The following DNAAF4 variants were observed in gnomAD, a reference collection of about 807,000 sequenced individuals.
DNAAF4 encodes dynein axonemal assembly factor 4, also known as dynein assembly factor 4, axonemal.
DNAAF4 carries 43 observed loss-of-function variants against 51.8 expected under a neutral mutation model. The observed-to-expected ratio is 0.83, with a 90% CI of 0.65 to 1.07. DNAAF4 has a LOEUF of 1.07. Ranked by LOEUF, DNAAF4 falls within the 50% of genes least tolerant of loss-of-function variation. The probability of loss-of-function intolerance (pLI) is 0.00; values close to 1 mark genes in which losing one functional copy is unlikely to be tolerated. For synonymous variants in DNAAF4, 194 were observed against 165.6 expected, an observed-to-expected ratio of 1.17 and a Z score of -1.32; for missense variants, 581 against 493.0, an observed-to-expected ratio of 1.18 and a Z score of -1.69.
intron 3 of DNAAF4, among the ~76,000 whole-genome samples, chr15:55,494,060 G>C (rs1017940359): frequency 1.4e-5 from 2 of 146,058 alleles, no homozygotes; most frequent in African/African-American, 5.1e-5. Context: ...ACTGAGTTTC[G>C]CTCTTGTTGC....
chr15:55,501,667 G>A (rs913147754), intron 1 of DNAAF4, among the ~76,000 whole-genome samples: 7 of 150,684 alleles, frequency 4.6e-5, no homozygotes, highest in African/African-American at 1.2e-4. Context: ...AAGCCACCAC[G>A]CCGGGCCAGG....
chr15:55,467,578 C>T (rs1177108082), intron 4 of DNAAF4, among the ~76,000 whole-genome samples: 1 of 150,658 alleles, frequency 6.6e-6, no homozygotes, highest in African/African-American at 2.4e-5. Context: ...CATCCCAACA[C>T]ATATATTCAA....
rs1317437965 is a variant in DNAAF4 at position 55,444,051 on chromosome 15, G to T, written c.784-4470C>A. 3.9e-5 allele frequency among the ~76,000 whole-genome samples: 6 copies of T among 152,254 alleles called. No homozygotes were observed. In the South Asian group the frequency reaches 1.2e-3, roughly 32 times the overall value. On this transcript the variant is annotated intron_variant, in intron 6 of 9. Coordinates refer to ENST00000321149, the MANE Select transcript of DNAAF4 (RefSeq NM_130810.4). ...GTGCAGAGGCTCTTTAGTTTAATTA[G>T]ATCCCATTTGTCAATTTTGGCTTTT... is the stretch of plus-strand genomic sequence containing the variant.
intron 7 of DNAAF4, among the ~76,000 whole-genome samples, chr15:55,419,981 CA>C (rs895370114): frequency 1.1e-4 from 17 of 151,218 alleles, no homozygotes; most frequent in African/African-American, 3.4e-4. Context: ...CCAACCTGGG[CA>C]ACAAGAGCAA....
In DNAAF4 at chr15:55,470,350, C is replaced by A. The variant is rs113879230; in HGVS notation, c.406-3189G>T. On this transcript the variant is annotated intron_variant, in intron 4 of 9. Transcript: ENST00000321149. ...TACAGGCGTGAGCCACCGCGCCCAG[C>A]CATATTTACCCATTTTTAATAAAAA... Among the ~76,000 whole-genome samples the A allele has an allele frequency of 3.3e-5, 5 of 152,130 alleles. 1 individual carries two copies. The highest frequency in any genetic ancestry group is 1.2e-4 in the African/African-American group (5 of 41,522).
chr15:55,444,021 T>C (rs1472497079), intron 6 of DNAAF4, among the ~76,000 whole-genome samples: 1 of 152,204 alleles, frequency 6.6e-6, no homozygotes, highest in Non-Finnish European at 1.5e-5. Context: ...GTAGTTTCTT[T>C]TGCTGTGCAG....
intron 6 of DNAAF4, 103 bp from the exon 7 acceptor site, chr15:55,439,684 G>C: frequency 1.0e-6 from 1 of 960,102 alleles, no homozygotes; most frequent in Non-Finnish European, 1.5e-6. Context: ...AATATTATTT[G>C]CTATGCACTG....
intron 1 of DNAAF4, among the ~76,000 whole-genome samples, chr15:55,504,881 G>A (rs1245194491): frequency 6.6e-6 from 1 of 151,994 alleles, no homozygotes; most frequent in Non-Finnish European, 1.5e-5. Flanking sequence ...CATGACTAAA[G>A]CACCAAAAGC....
At chr15:55,482,605 G>A (rs2058427448) in intron 4 of DNAAF4, among the ~76,000 whole-genome samples, 1 of 152,128 alleles carries the variant, frequency 6.6e-6, no homozygotes. Context: ...CTTGAACCCA[G>A]GAAGGAGAGG....
chr15:55,423,585 T>A (rs1334174583), intron 7 of DNAAF4, among the ~76,000 whole-genome samples: 2 of 152,180 alleles, frequency 1.3e-5, no homozygotes, highest in Admixed American at 6.6e-5. Flanking sequence ...TGAGAACTGC[T>A]GACCTACAGC....
At position 55,491,137 on chromosome 15, in the gene DNAAF4, T is replaced by G. The variant is rs900207517; in HGVS notation, c.391A>C (p.Ser131Arg). ...AKREDQKYAL[S>R]VMMKIEEEER... The stretch of plus-strand genomic sequence containing the variant: ...CTGCAACTTACCTTCATCATGACAC[T>G]TAGTGCGTATTTTTGATCTTCCCGC... Residue 131 changes from serine to arginine, a missense_variant, in exon 4 of 10, where the codon AGT becomes CGT. Coordinates refer to ENST00000321149, the MANE Select transcript of DNAAF4 (RefSeq NM_130810.4). 1 of 1,614,076 alleles carries G rather than the reference T, an allele frequency of 6.2e-7. No individual in the cohort carries two copies. The highest frequency in any genetic ancestry group is 8.5e-7 in the Non-Finnish European group (1 of 1,180,010).
At chr15:55,467,644 C>A (rs944398231) in intron 4 of DNAAF4, among the ~76,000 whole-genome samples, 1 of 152,064 alleles carries the variant, frequency 6.6e-6, no homozygotes, top group Admixed American at 6.6e-5. Context: ...GTTGTGCCAA[C>A]CCTTCAGTCC....
intron 6 of DNAAF4, among the ~76,000 whole-genome samples, chr15:55,446,108 C>T (rs1236415267): frequency 3.1e-5 from 4 of 130,918 alleles, no homozygotes; most frequent in African/African-American, 1.2e-4. Context: ...ACATCCCAGA[C>T]AGGGCAGCCA....
intron 8 of DNAAF4, among the ~76,000 whole-genome samples, chr15:55,433,304 A>AAC (rs930752176): frequency 6.6e-5 from 10 of 151,828 alleles, no homozygotes; most frequent in East Asian, 1.9e-4. Flanking sequence ...GTCTCACACA[A>AAC]ACACACACAC....
At chr15:55,441,554 C>T (rs1722999335) in intron 6 of DNAAF4, among the ~76,000 whole-genome samples, 1 of 146,476 alleles carries the variant, frequency 6.8e-6, no homozygotes, top group South Asian at 2.3e-4. Flanking sequence ...CTAATGCTAT[C>T]CCTCCCCCCT....
At chr15:55,442,859 T>A in intron 6 of DNAAF4, 3 of 1,612,642 alleles carry the variant, frequency 1.9e-6, no homozygotes, top group Non-Finnish European at 2.5e-6. Context: ...ATTGCACACA[T>A]ACCAACAGTA....
At chr15:55,476,626 G>C (rs2058338507) in intron 4 of DNAAF4, among the ~76,000 whole-genome samples, 1 of 152,036 alleles carries the variant, frequency 6.6e-6, no homozygotes, top group Non-Finnish European at 1.5e-5. Flanking sequence ...GCCTTAAAAA[G>C]AAAGGAAATT....
intron 9 of DNAAF4, among the ~76,000 whole-genome samples, chr15:55,432,092 A>T (rs1267815037): frequency 6.6e-6 from 1 of 151,868 alleles, no homozygotes; most frequent in Non-Finnish European, 1.5e-5. Context: ...AGTAGCTGGG[A>T]TTACAGGCAT....
intron 5 of DNAAF4, among the ~76,000 whole-genome samples, chr15:55,465,564 C>CTTTT (rs76254398): frequency 0.014 from 1,907 of 131,544 alleles, 45 homozygotes; most frequent in African/African-American, 0.051. Flanking sequence ...TATGTTCTCA[C>CTTTT]TTTTTTTTTT....
Sources: gnomAD v4.1 joint callset for allele counts (sites outside exome capture counted in the v4.1 genomes callset) on GRCh38, gnomAD v4.1.1 for gene constraint, MANE v1.5 for transcripts, NCBI Gene and HGNC (gene_info 2026-07-23, HGNC 2026-07-21) for gene names.